The following RFX8 variants were observed in gnomAD, a reference collection of about 807,000 sequenced individuals.
The protein encoded by RFX8 is regulatory factor X8.
Under a neutral mutation model 54.6 loss-of-function variants are expected in RFX8, and 46 were observed. That is an observed-to-expected ratio of 0.84 (90% CI 0.67 to 1.08). RFX8 has a LOEUF of 1.08. Among genes scored for constraint, RFX8 ranks in the 50% least tolerant of loss-of-function variants. The probability of loss-of-function intolerance (pLI) is 0.00; values close to 1 mark genes in which losing one functional copy is unlikely to be tolerated. For missense variants in RFX8, 536 were observed against 562.3 expected (o/e 0.95, Z 0.47); for synonymous variants, 192 against 209.5 (o/e 0.92, Z 0.72).
chr2:101,446,808 T>A (rs1175113503), intron 2 of RFX8, among the ~76,000 whole-genome samples: 1 of 10,504 alleles, frequency 9.5e-5, no homozygotes, highest in Non-Finnish European at 1.8e-4. Context: ...TGCCAGGGGG[T>A]GGGGGTGGGG....
chr2:101,444,225 G>A (rs1030976093), intron 2 of RFX8, among the ~76,000 whole-genome samples: 2 of 152,212 alleles, frequency 1.3e-5, no homozygotes, highest in Non-Finnish European at 2.9e-5. Context: ...AGTGGGTTGA[G>A]CCCCTGCAGG....
At chr2:101,450,492 T>C (rs1293195460) in intron 2 of RFX8, 1 of 599,346 alleles carries the variant, frequency 1.7e-6, no homozygotes, top group Admixed American at 2.9e-5. Context: ...CCTCCCAAAG[T>C]GTTGGGATTA....
At chr2:101,474,270 G>A in intron 1 of RFX8, 2 of 600,092 alleles carry the variant, frequency 3.3e-6, no homozygotes, top group Non-Finnish European at 5.9e-6. Context: ...GCACCCCCTC[G>A]GCCATGGCTC....
At chr2:101,429,025 A>G in intron 2 of RFX8, 1 of 1,519,820 alleles carries the variant, frequency 6.6e-7, no homozygotes, top group South Asian at 1.2e-5. Flanking sequence ...CTCCACTGTG[A>G]AGGAACAGAA....
chr2:101,424,587 A>G (rs1232535207), intron 2 of RFX8, among the ~76,000 whole-genome samples: 1 of 152,218 alleles, frequency 6.6e-6, no homozygotes, highest in African/African-American at 2.4e-5. Context: ...TTGCGGCACT[A>G]TTCACAATAG....
chr2:101,466,537 C>T (rs1212563312), intron 2 of RFX8, among the ~76,000 whole-genome samples: 1 of 152,168 alleles, frequency 6.6e-6, no homozygotes, highest in Non-Finnish European at 1.5e-5. Context: ...ATTACATTCC[C>T]TTAGGTGCTA....
intron 9 of RFX8, among the ~76,000 whole-genome samples, chr2:101,408,348 G>C (rs1212672096): frequency 1.3e-5 from 2 of 152,200 alleles, no homozygotes; most frequent in African/African-American, 4.8e-5. Context: ...AGCTGGGCGA[G>C]GTGGCGGGCA....
chr2:101,402,876 C>T, intron 10 of RFX8, 124 bp from the exon 11 acceptor site: 1 of 868,104 alleles, frequency 1.2e-6, no homozygotes, highest in East Asian at 2.7e-5. Context: ...CAATAGCTTA[C>T]CCAGAAGAGG....
At chr2:101,405,147 C>CT (rs35008880) in intron 10 of RFX8, among the ~76,000 whole-genome samples, 3,673 of 144,286 alleles carry the variant, frequency 0.025, 159 homozygotes, top group African/African-American at 0.082. Flanking sequence ...TCCTATAATC[C>CT]TTTTTTTTTT....
chr2:101,442,016 A>T (rs7568893), intron 2 of RFX8, among the ~76,000 whole-genome samples: 2 of 151,596 alleles, frequency 1.3e-5, no homozygotes, highest in Non-Finnish European at 2.9e-5. Flanking sequence ...GGATTAAACA[A>T]CGTTGAGGAC....
intron 2 of RFX8, chr2:101,429,052 T>C (rs1404397474): frequency 1.5e-6 from 2 of 1,342,786 alleles, no homozygotes. Flanking sequence ...GAAGTAATTT[T>C]AGCAAGACAC....
At chr2:101,421,517 T>G (rs763044452) in intron 4 of RFX8, 69 of 1,276,076 alleles carry the variant, frequency 5.4e-5, no homozygotes, top group Non-Finnish European at 6.5e-5. Flanking sequence ...TTGGAGAATT[T>G]CCAACTGATT....
At position 101,410,718 on chromosome 2, in the gene RFX8, A is replaced by C; in HGVS notation, c.719-5T>G. The stretch of plus-strand genomic sequence containing the variant: ...AAGAAATTAAGTTTCTTAAACCTAC[A>C]AAGACACAAAATAAACAAACAAAAG... On this transcript the variant is annotated splice_region_variant and splice_polypyrimidine_tract_variant and intron_variant, in intron 8 of 11. Coordinates refer to ENST00000428343, the MANE Select transcript of RFX8 (RefSeq NM_001145664.2). The C allele has an allele frequency of 7.0e-7, 1 of 1,435,036 alleles. No homozygotes were observed. The highest frequency in any genetic ancestry group is 9.6e-7 in the Non-Finnish European group (1 of 1,043,766). 88.9% of individuals were successfully genotyped at this position (1,435,036 alleles called of 1,614,324 possible). A position where few individuals can be genotyped will look rare whatever the true frequency, so the allele number is the denominator to read the frequency against.
chr2:101,447,756 C>T (rs1688469591), intron 2 of RFX8, among the ~76,000 whole-genome samples: 1 of 152,210 alleles, frequency 6.6e-6, no homozygotes. Flanking sequence ...ATTAACCCAT[C>T]TTTCATTCCT....
At chr2:101,410,394 C>CAT (rs375309645) in intron 9 of RFX8, among the ~76,000 whole-genome samples, 1,804 of 59,794 alleles carry the variant, frequency 0.03, 48 homozygotes, top group African/African-American at 0.14. Context: ...CCCACACTCA[C>CAT]ACACACACAC....
chr2:101,452,586 A>G (rs1558881571), intron 2 of RFX8: 1 of 402,446 alleles, frequency 2.5e-6, no homozygotes, highest in Non-Finnish European at 4.3e-6. Context: ...ATATAATAAT[A>G]AAGTAATAAG....
At chr2:101,419,571 C>A (rs544255756) in intron 4 of RFX8, among the ~76,000 whole-genome samples, 1 of 152,168 alleles carries the variant, frequency 6.6e-6, no homozygotes, top group African/African-American at 2.4e-5. Flanking sequence ...ACCAGGTGAC[C>A]GATCTGCTTC....
intron 2 of RFX8, among the ~76,000 whole-genome samples, chr2:101,445,949 G>C (rs1199846489): frequency 1.3e-5 from 2 of 152,084 alleles, no homozygotes; most frequent in African/African-American, 2.4e-5. Flanking sequence ...ATTTTTAAGA[G>C]GAATTTGTCA....
intron 2 of RFX8, among the ~76,000 whole-genome samples, chr2:101,429,373 T>C (rs1407164135): frequency 6.6e-6 from 1 of 152,232 alleles, no homozygotes; most frequent in African/African-American, 2.4e-5. Context: ...GATACAGAAA[T>C]GATAATATCC....
Sources: gnomAD v4.1 joint callset for allele counts (sites outside exome capture counted in the v4.1 genomes callset) on GRCh38, gnomAD v4.1.1 for gene constraint, MANE v1.5 for transcripts, NCBI Gene and HGNC (gene_info 2026-07-23, HGNC 2026-07-21) for gene names.